MXI1: variants seen among roughly 807,000 people sequenced by gnomAD.
The protein encoded by MXI1 is max-interacting protein 1.
MXI1 carries 18 observed loss-of-function variants against 36.9 expected under a neutral mutation model. That is an observed-to-expected ratio of 0.49 (90% CI 0.34 to 0.72). MXI1 has a LOEUF of 0.72. MXI1 is among the 30% of genes least tolerant of loss of function. The pLI is 0.01. For synonymous variants in MXI1, 160 were observed against 146.7 expected (o/e 1.09, Z -0.65); for missense variants, 304 against 379.1 (o/e 0.80, Z 1.64).
chr10:110,280,220 A>G, intron 5 of MXI1, 135 bp downstream of exon 5: 1 of 673,724 alleles, frequency 1.5e-6, no homozygotes, highest in South Asian at 4.4e-5. Flanking sequence ...TGCAATCATA[A>G]TATTGTCTAC....
At chr10:110,220,514 G>T (rs1039526049) in intron 1 of MXI1, among the ~76,000 whole-genome samples, 1 of 152,214 alleles carries the variant, frequency 6.6e-6, no homozygotes, top group African/African-American at 2.4e-5. Flanking sequence ...TTCAGGGCCT[G>T]GCTAGACCTA....
intron 3 of MXI1, among the ~76,000 whole-genome samples, chr10:110,268,367 C>G (rs953442940): frequency 2.6e-5 from 4 of 152,122 alleles, no homozygotes; most frequent in Non-Finnish European, 5.9e-5. Flanking sequence ...CTCATTTAAT[C>G]TTTTCCTGGG....
intron 3 of MXI1, among the ~76,000 whole-genome samples, chr10:110,273,834 A>G (rs952600936): frequency 1.3e-5 from 2 of 152,190 alleles, no homozygotes; most frequent in Non-Finnish European, 2.9e-5. Context: ...CCAATGAAGG[A>G]CCATGCTTCC....
intron 2 of MXI1, among the ~76,000 whole-genome samples, chr10:110,238,466 G>A (rs1855547831): frequency 6.6e-6 from 1 of 152,126 alleles, no homozygotes; most frequent in Admixed American, 6.6e-5. Context: ...GCAAAATTTT[G>A]TTAGAATTTT....
In MXI1 at chr10:110,285,045, A is replaced by C; in HGVS notation, c.*58A>C. 6.7e-7 allele frequency: 1 copy of C among 1,487,024 alleles called. No homozygotes were observed. The allele number at this position is 1,487,024 out of a possible 1,614,324, so 92.1% of individuals were successfully genotyped here. On this transcript the variant is annotated 3_prime_UTR_variant, in exon 6 of 6. Transcript: ENST00000332674. ...TATTCACTGGGCCAATTCAATACAA[A>C]CAATCTCTTAAATTGGGTTCATGAT... is the stretch of plus-strand genomic sequence containing the variant.
intron 3 of MXI1, chr10:110,245,789 A>G (rs41291900): frequency 0.088 from 13,416 of 152,242 alleles, 1,104 homozygotes; most frequent in East Asian, 0.29. Flanking sequence ...AGGCATGAAG[A>G]TGCTTTTGAA....
At chr10:110,267,817 G>C (rs1291526865) in intron 3 of MXI1, among the ~76,000 whole-genome samples, 1 of 152,088 alleles carries the variant, frequency 6.6e-6, no homozygotes, top group East Asian at 1.9e-4. Flanking sequence ...AGGGAGCATG[G>C]GTTTGGCTGA....
At chr10:110,228,436 A>AT in intron 2 of MXI1, 115 bp downstream of exon 2, 1 of 1,268,854 alleles carries the variant, frequency 7.9e-7, no homozygotes, top group Non-Finnish European at 1.1e-6. Context: ...TACCCTGGGG[A>AT]TTTGGCCCTT....
intron 1 of MXI1, among the ~76,000 whole-genome samples, chr10:110,216,671 T>TGTTTTG (rs199889794): frequency 2.2e-5 from 2 of 91,346 alleles, no homozygotes; most frequent in Non-Finnish European, 3.7e-5. Flanking sequence ...TAATGTTTTT[T>TGTTTTG]TTTTTTTTTT....
At chr10:110,228,034 C>A (rs909376121) in intron 1 of MXI1, 155 bp from the exon 2 acceptor site, 17 of 763,396 alleles carry the variant, frequency 2.2e-5, no homozygotes, top group Non-Finnish European at 3.0e-5. Context: ...GATGTCCAGG[C>A]GAGGGACATT....
intron 1 of MXI1, chr10:110,210,314 A>T: frequency 1.0e-6 from 1 of 983,540 alleles, no homozygotes; most frequent in Non-Finnish European, 1.2e-6. Context: ...AGTCAACTTC[A>T]TGTGCGTAAT....
rs1483725531 is a variant in MXI1 at position 110,252,896 on chromosome 10, A to G, written c.437+8039A>G. ...TAATGAATTCTTAAGATGTAAATAA[A>G]TTATATGAGAAAACTTGATAAGTAA... On this transcript the variant is annotated intron_variant, in intron 3 of 5. Transcript: ENST00000332674. 2.0e-5 allele frequency among the ~76,000 whole-genome samples: 3 copies of G among 152,162 alleles called. No homozygotes were observed. In the East Asian group the frequency reaches 5.8e-4, roughly 29 times the overall value.
At chr10:110,240,786 T>C (rs1855644468) in intron 2 of MXI1, among the ~76,000 whole-genome samples, 1 of 152,042 alleles carries the variant, frequency 6.6e-6, no homozygotes, top group African/African-American at 2.4e-5. Flanking sequence ...CTTTTCATTG[T>C]GTGGAGGGCA....
At chr10:110,279,384 C>A in intron 4 of MXI1, 90 bp downstream of exon 4, 1 of 1,052,578 alleles carries the variant, frequency 9.5e-7, no homozygotes, top group South Asian at 1.3e-5. Context: ...TCAGCTAGTT[C>A]ACCATGCCCT....
intron 5 of MXI1, among the ~76,000 whole-genome samples, chr10:110,280,480 G>A (rs183917182): frequency 5.7e-4 from 86 of 151,814 alleles, no homozygotes; most frequent in Middle Eastern, 3.4e-3. Flanking sequence ...GGAGATCGAG[G>A]CCATCCTGGC....
At chr10:110,252,110 A>G (rs1856114693) in intron 3 of MXI1, among the ~76,000 whole-genome samples, 2 of 152,174 alleles carry the variant, frequency 1.3e-5, no homozygotes, top group African/African-American at 4.8e-5. Flanking sequence ...GATATGAGTC[A>G]GCACTCAGGT....
At chr10:110,215,525 C>T (rs566425742) in intron 1 of MXI1, among the ~76,000 whole-genome samples, 1 of 152,254 alleles carries the variant, frequency 6.6e-6, no homozygotes, top group East Asian at 1.9e-4. Context: ...TTCCCTCCTA[C>T]CTGATACGAG....
chr10:110,275,468 T>G (rs1856994866), intron 3 of MXI1, among the ~76,000 whole-genome samples: 2 of 152,168 alleles, frequency 1.3e-5, no homozygotes, highest in South Asian at 4.1e-4. Flanking sequence ...GCCATACAAT[T>G]GCTGTTCTAA....
At chr10:110,229,128 A>G (rs537900125) in intron 2 of MXI1, among the ~76,000 whole-genome samples, 11 of 152,350 alleles carry the variant, frequency 7.2e-5, no homozygotes, top group Non-Finnish European at 1.0e-4. Context: ...GTATGTGGCT[A>G]TCTCTTCGGT....
Sources: allele counts gnomAD v4.1 joint callset (sites outside exome capture counted in the v4.1 genomes callset), GRCh38; gene constraint gnomAD v4.1.1; transcripts MANE v1.5; gene names NCBI Gene and HGNC (gene_info 2026-07-23, HGNC 2026-07-21).